The following COL5A2 variants were observed in gnomAD, a reference collection of about 807,000 sequenced individuals.
COL5A2 encodes the protein collagen alpha-2(V) chain.
In COL5A2, 23 loss-of-function variants were observed where a neutral mutation model predicts 208.2. The ratio of observed to expected loss-of-function variants is 0.11; its 90% CI spans 0.08 to 0.16. The LOEUF (loss-of-function observed/expected upper bound fraction) is 0.16, where lower values mean the gene tolerates loss of function less well. Among genes scored for constraint, COL5A2 ranks in the 10% least tolerant of loss-of-function variants. The pLI is 1.00. For missense variants in COL5A2, 1,590 were observed against 1,956.4 expected, an observed-to-expected ratio of 0.81 and a Z score of 3.53; for synonymous variants, 625 against 628.5, an observed-to-expected ratio of 0.99 and a Z score of 0.08.
the COL5A2 span, among the ~76,000 whole-genome samples, chr2:189,292,440 A>G: frequency 3.3e-5 from 5 of 152,168 alleles, no homozygotes; most frequent in African/African-American, 1.2e-4. Flanking sequence ...AAAAGGGGGC[A>G]AAGGACATGA....
the COL5A2 span, among the ~76,000 whole-genome samples, chr2:189,297,174 C>A: frequency 2.6e-5 from 4 of 151,882 alleles, no homozygotes; most frequent in African/African-American, 9.7e-5. Context: ...TAAAAGTATG[C>A]AGTTTGTAAT....
chr2:189,152,057 T>C (rs1309408338), intron 1 of COL5A2, among the ~76,000 whole-genome samples: 1 of 152,140 alleles, frequency 6.6e-6, no homozygotes, highest in African/African-American at 2.4e-5. Flanking sequence ...AACAGAATTC[T>C]TCAAAATCTC....
chr2:189,177,512 C>T (rs572363273), intron 1 of COL5A2, among the ~76,000 whole-genome samples: 6 of 152,248 alleles, frequency 3.9e-5, no homozygotes, highest in East Asian at 3.9e-4. Context: ...AGGGCAATGA[C>T]GACTTTCTTT....
chr2:189,354,327 A>G, the COL5A2 span, among the ~76,000 whole-genome samples: 6 of 151,922 alleles, frequency 3.9e-5, no homozygotes, highest in Admixed American at 1.3e-4. Context: ...CTCTTTTTCT[A>G]TTGTTTGGAA....
chr2:189,440,212 G>A, the COL5A2 span, among the ~76,000 whole-genome samples: 1 of 152,192 alleles, frequency 6.6e-6, no homozygotes, highest in Non-Finnish European at 1.5e-5. Context: ...TGACCTTTGT[G>A]AATATTGTAT....
chr2:189,052,611 C>A, intron 40 of COL5A2, 138 bp downstream of exon 40: 2 of 910,116 alleles, frequency 2.2e-6, no homozygotes, highest in East Asian at 5.2e-5. Context: ...GTTAAGTGCC[C>A]TTTGCACTAT....
chr2:189,328,838 G>A, the COL5A2 span, among the ~76,000 whole-genome samples: 1 of 152,218 alleles, frequency 6.6e-6, no homozygotes, highest in African/African-American at 2.4e-5. Context: ...CACATAGTAT[G>A]TGATAAAGTA....
chr2:189,338,384 T>C, the COL5A2 span, among the ~76,000 whole-genome samples: 1 of 151,936 alleles, frequency 6.6e-6, no homozygotes, highest in African/African-American at 2.4e-5. Context: ...CCCAGCTCTC[T>C]TGTTTGCTTC....
chr2:189,243,434 C>G, the COL5A2 span, among the ~76,000 whole-genome samples: 2 of 152,080 alleles, frequency 1.3e-5, no homozygotes, highest in African/African-American at 4.8e-5. Context: ...TGGCAGAAGG[C>G]AAGGAAGAAG....
chr2:189,239,764 T>TAAA, the COL5A2 span, among the ~76,000 whole-genome samples: 3 of 151,404 alleles, frequency 2.0e-5, no homozygotes, highest in Admixed American at 2.0e-4. Flanking sequence ...AAACTTAAAG[T>TAAA]ATAATAATAA....
At chr2:189,114,165 G>C (rs1188720287) in intron 1 of COL5A2, among the ~76,000 whole-genome samples, 1 of 152,140 alleles carries the variant, frequency 6.6e-6, no homozygotes, top group Non-Finnish European at 1.5e-5. Flanking sequence ...GCAAGGAGAC[G>C]AAAAACCACA....
chr2:189,142,355 C>T (rs183236894), intron 1 of COL5A2, among the ~76,000 whole-genome samples: 223 of 152,044 alleles, frequency 1.5e-3, no homozygotes, highest in African/African-American at 5.0e-3. Context: ...CCAACTAGCT[C>T]ACCATAATTA....
intron 43 of COL5A2, 73 bp from the exon 44 acceptor site, chr2:189,049,527 T>C: frequency 8.7e-7 from 1 of 1,152,426 alleles, no homozygotes; most frequent in East Asian, 2.5e-5. Context: ...AGGCTAAGTT[T>C]TCAAAATGGT....
intron 1 of COL5A2, among the ~76,000 whole-genome samples, chr2:189,119,268 A>T (rs1687454298): frequency 6.6e-6 from 1 of 152,194 alleles, no homozygotes; most frequent in Non-Finnish European, 1.5e-5. Context: ...GAAGAGAGGA[A>T]GGAGGGAGAG....
the COL5A2 span, among the ~76,000 whole-genome samples, chr2:189,404,263 AC>A: frequency 6.6e-6 from 1 of 152,214 alleles, no homozygotes; most frequent in Non-Finnish European, 1.5e-5. Context: ...AAGAAGATCT[AC>A]CCTCACCAAT....
chr2:189,418,357 G>A, the COL5A2 span, among the ~76,000 whole-genome samples: 3 of 152,178 alleles, frequency 2.0e-5, no homozygotes, highest in East Asian at 1.9e-4. Context: ...TGAGGATGAA[G>A]TTTGGCTTTG....
rs1193599786 is a variant in COL5A2 at position 189,110,466 on chromosome 2, AAGAAG to A, written c.98-22_98-18del. 1 of 1,598,952 alleles carries A rather than the reference AAGAAG, an allele frequency of 6.3e-7. No homozygotes were observed. On this transcript the variant is annotated intron_variant, in intron 1 of 53. Coordinates refer to ENST00000374866, the MANE Select transcript of COL5A2 (RefSeq NM_000393.5). Reference sequence around the variant, plus strand: ...CATATCCTTCTAAAATAAGAAAAGAAAGAAGAGGTTAGTAATCTGAAATTATAGAA... The same window carrying A: ...CATATCCTTCTAAAATAAGAAAAGAAAGGTTAGTAATCTGAAATTATAGAA...
At chr2:189,044,381 G>A (rs571708076) in intron 47 of COL5A2, among the ~76,000 whole-genome samples, 6 of 152,088 alleles carry the variant, frequency 3.9e-5, no homozygotes, top group Admixed American at 6.5e-5. Flanking sequence ...CATAATGTTC[G>A]AAAGGTTCTT....
At chr2:189,037,468 G>T (rs1685467784) in intron 51 of COL5A2, among the ~76,000 whole-genome samples, 1 of 152,154 alleles carries the variant, frequency 6.6e-6, no homozygotes, top group Admixed American at 6.5e-5. Context: ...GTGTCGGAAT[G>T]TAATGTATAG....
Sources: gnomAD v4.1 joint callset for allele counts (sites outside exome capture counted in the v4.1 genomes callset) on GRCh38, gnomAD v4.1.1 for gene constraint, MANE v1.5 for transcripts, NCBI Gene and HGNC (gene_info 2026-07-23, HGNC 2026-07-21) for gene names.